HDAC4: variants seen among roughly 807,000 people sequenced by gnomAD.
HDAC4 encodes histone deacetylase 4.
Under a neutral mutation model 135.1 loss-of-function variants are expected in HDAC4, and 16 were observed. The observed-to-expected ratio is 0.12, with a 90% CI of 0.08 to 0.18. The LOEUF (loss-of-function observed/expected upper bound fraction) is 0.18, where lower values mean the gene tolerates loss of function less well. Among genes scored for constraint, HDAC4 ranks in the 10% least tolerant of loss-of-function variants. The pLI is 1.00. For synonymous variants in HDAC4, 685 were observed against 653.4 expected (o/e 1.05, Z -0.74); for missense variants, 1,143 against 1,511.8 (o/e 0.76, Z 4.05).
intron 15 of HDAC4, among the ~76,000 whole-genome samples, chr2:239,107,701 G>A (rs1371105811): frequency 6.6e-6 from 1 of 152,254 alleles, no homozygotes; most frequent in East Asian, 1.9e-4. Flanking sequence ...GGAGCATGGT[G>A]GGAACTGGTT....
intron 1 of HDAC4, among the ~76,000 whole-genome samples, chr2:239,372,961 G>A (rs1254937347): frequency 2.6e-5 from 4 of 151,622 alleles, no homozygotes; most frequent in Non-Finnish European, 5.9e-5. Context: ...AGTCCGTCAC[G>A]TGGCTGTGCC....
rs541899777 is a variant in HDAC4, at chr2:239,261,857, C to A, written c.23-25193G>T. On this transcript the variant is annotated intron_variant, in intron 2 of 26. Transcript: ENST00000543185. ...GAGCCCGGCAGGGACACCCCCCACC[C>A]GGCCCAGCCAGGAGGTTCTGCTGCC... Among the ~76,000 whole-genome samples the A allele has an allele frequency of 3.3e-5, 5 of 152,308 alleles. No individual in the cohort carries two copies. The East Asian group carries it at 9.7e-4, about 29-fold the overall frequency.
At chr2:239,398,259 G>A (rs1001314740) in intron 1 of HDAC4, among the ~76,000 whole-genome samples, 2 of 152,196 alleles carry the variant, frequency 1.3e-5, no homozygotes, top group African/African-American at 4.8e-5. Flanking sequence ...AATAGAGAAT[G>A]GTATGGATGA....
At position 239,102,105 on chromosome 2, in the gene HDAC4, C is replaced by T. The variant is rs535077559; in HGVS notation, c.2233+671G>A. ...CTGGAAGCCCCCGGCCCGGGGTCCA[C>T]GTTCTGTGCCCTGGAAGCCCCCGGC... On this transcript the variant is annotated intron_variant, in intron 16 of 26. Transcript: ENST00000543185. Among the ~76,000 whole-genome samples, 358 of 103,876 alleles carry T rather than the reference C, an allele frequency of 3.4e-3. 5 individuals are homozygous for T. The highest frequency in any genetic ancestry group is 0.013 in the African/African-American group (341 of 26,914). The allele number at this position is 103,876 out of a possible 152,430, so 68.1% of individuals were successfully genotyped here.
At chr2:239,275,933 A>C (rs2050334069) in intron 2 of HDAC4, among the ~76,000 whole-genome samples, 1 of 152,096 alleles carries the variant, frequency 6.6e-6, no homozygotes, top group Non-Finnish European at 1.5e-5. Context: ...AGCTTCCCAG[A>C]GGAGGAGAGG....
intron 1 of HDAC4, among the ~76,000 whole-genome samples, chr2:239,374,866 A>C (rs1284151602): frequency 6.6e-6 from 1 of 152,214 alleles, no homozygotes; most frequent in Non-Finnish European, 1.5e-5. Context: ...TGTCAGCTGC[A>C]CAGGCCCACC....
intron 2 of HDAC4, among the ~76,000 whole-genome samples, chr2:239,304,054 C>T (rs921986458): frequency 6.6e-6 from 1 of 152,252 alleles, no homozygotes; most frequent in African/African-American, 2.4e-5. Context: ...CTGCATCAGA[C>T]CCCTGTGTGC....
chr2:239,157,558 GATGACCATCAGC>G (rs1458295150), intron 6 of HDAC4, among the ~76,000 whole-genome samples: 1 of 152,232 alleles, frequency 6.6e-6, no homozygotes, highest in Non-Finnish European at 1.5e-5. Context: ...CTGCCACCCG[GATGACCATCAGC>G]AAGGCCTTTT....
chr2:239,246,441 C>T (rs1259346672), intron 2 of HDAC4, among the ~76,000 whole-genome samples: 2 of 152,206 alleles, frequency 1.3e-5, no homozygotes, highest in South Asian at 2.1e-4. Flanking sequence ...AGGGGCTGCC[C>T]GGGGGCTGAA....
chr2:239,189,513 GCTT>G (rs2044765610), intron 4 of HDAC4, among the ~76,000 whole-genome samples: 1 of 152,200 alleles, frequency 6.6e-6, no homozygotes, highest in African/African-American at 2.4e-5. Context: ...AGGTTCTGGT[GCTT>G]CTTCCCTTTG....
intron 2 of HDAC4, among the ~76,000 whole-genome samples, chr2:239,265,320 C>G (rs1235166761): frequency 6.6e-6 from 1 of 152,248 alleles, no homozygotes; most frequent in Non-Finnish European, 1.5e-5. Flanking sequence ...GACTTCTCAG[C>G]AAACACCGCC....
intron 2 of HDAC4, among the ~76,000 whole-genome samples, chr2:239,302,989 G>T (rs2052357668): frequency 6.6e-6 from 1 of 152,202 alleles, no homozygotes; most frequent in African/African-American, 2.4e-5. Context: ...GCACTGCCTG[G>T]GCACTCTGCA....
At chr2:239,377,962 G>A (rs1695139700) in intron 1 of HDAC4, among the ~76,000 whole-genome samples, 1 of 152,136 alleles carries the variant, frequency 6.6e-6, no homozygotes. Flanking sequence ...TGAAATAGGA[G>A]TTCTATGGAC....
intron 19 of HDAC4, among the ~76,000 whole-genome samples, chr2:239,086,225 C>T (rs1249802068): frequency 2.3e-4 from 3 of 13,054 alleles, no homozygotes; most frequent in Admixed American, 4.3e-4. Flanking sequence ...GTACAGTCTC[C>T]TCCCTGCACA....
intron 3 of HDAC4, among the ~76,000 whole-genome samples, chr2:239,205,589 G>C (rs573816376): frequency 2.6e-5 from 4 of 152,230 alleles, no homozygotes; most frequent in Admixed American, 1.3e-4. Flanking sequence ...AGAGAAAGGG[G>C]GAGGGAAGAA....
At chr2:239,163,294 A>G (rs980785848) in intron 6 of HDAC4, among the ~76,000 whole-genome samples, 2 of 152,232 alleles carry the variant, frequency 1.3e-5, no homozygotes, top group Non-Finnish European at 2.9e-5. Context: ...GATTCAGACA[A>G]GAGTTCCAGT....
chr2:239,215,064 G>A (rs796405357), intron 3 of HDAC4, among the ~76,000 whole-genome samples: 5 of 152,196 alleles, frequency 3.3e-5, no homozygotes, highest in Admixed American at 6.5e-5. Flanking sequence ...ACATTCGAGC[G>A]GCAGAATCAA....
chr2:239,316,590 T>C (rs1452449541), intron 2 of HDAC4, among the ~76,000 whole-genome samples: 1 of 152,106 alleles, frequency 6.6e-6, no homozygotes, highest in Non-Finnish European at 1.5e-5. Flanking sequence ...AGTATACCAA[T>C]GGGCCCTAGG....
rs1040480896 is a variant in HDAC4 at position 239,309,826 on chromosome 2, T to C, written c.22+42852A>G. ...ACATTCCAACCACACACTCAGACCATGGATGTGGCCGTGCCAGCAGGGAGG... is the reference window on the plus strand; with the variant it reads ...ACATTCCAACCACACACTCAGACCACGGATGTGGCCGTGCCAGCAGGGAGG... On this transcript the variant is annotated intron_variant, in intron 2 of 26. Transcript: ENST00000543185. This position sits in a 1 kb window ranked among gnomAD's most constrained non-coding sequence, Gnocchi z 4.2. 7.9e-5 allele frequency among the ~76,000 whole-genome samples: 12 copies of C among 152,214 alleles called. No individual in the cohort carries two copies. Among genetic ancestry groups the C allele is most frequent in the Admixed American group, 7.9e-4 (12 of 15,280 alleles).
Sources: gnomAD v4.1 joint callset for allele counts (sites outside exome capture counted in the v4.1 genomes callset) on GRCh38, gnomAD v4.1.1 for gene constraint, Gnocchi (gnomAD v3.1) non-coding constraint, MANE v1.5 for transcripts, NCBI Gene and HGNC (gene_info 2026-07-23, HGNC 2026-07-21) for gene names.